SELENOI: variants seen among roughly 807,000 people sequenced by gnomAD.
SELENOI encodes the protein selenoprotein I.
SELENOI carries 24 observed loss-of-function variants against 50.7 expected under a neutral mutation model. The ratio of observed to expected loss-of-function variants is 0.47; its 90% CI spans 0.34 to 0.67. The LOEUF is 0.67. Among genes scored for constraint, SELENOI ranks in the 30% least tolerant of loss-of-function variants. The pLI, the probability that SELENOI is intolerant of heterozygous loss-of-function variation, is 0.01. For synonymous variants in SELENOI, 155 were observed against 170.2 expected (o/e 0.91, Z 0.70); for missense variants, 352 against 461.4 (o/e 0.76, Z 2.17).
rs554934552 is a variant in SELENOI at position 26,368,728 on chromosome 2, A to G, written c.310+1508A>G. On this transcript the variant is annotated intron_variant, in intron 4 of 9. Coordinates refer to ENST00000260585, the MANE Select transcript of SELENOI (RefSeq NM_033505.4). ...GGAGATGGAATGGGTGTAGTGAGAA[A>G]ATGTATAAAACCTAATTAATACATA... Among the ~76,000 whole-genome samples the G allele has an allele frequency of 3.9e-5, 6 of 152,324 alleles. No individual in the cohort carries two copies. The East Asian group carries it at 1.2e-3, about 29-fold the overall frequency.
rs370017257 is a variant in SELENOI at position 26,373,437 on chromosome 2, C to T, written c.381C>T (p.Gly127=). Residue 127 remains glycine (G), a synonymous_variant, in exon 5 of 10, where the codon GGC becomes GGT. Transcript: ENST00000260585. The part of the protein sequence containing the change: ...STPLGELFDH[G]LDSWSCVYFV... ...CCTTAGGGGAGCTTTTTGATCATGGCCTGGATAGTTGGTCATGTGTTTACT... is the reference window on the plus strand; with the variant it reads ...CCTTAGGGGAGCTTTTTGATCATGGTCTGGATAGTTGGTCATGTGTTTACT... 23 of 1,613,436 alleles carry T rather than the reference C, an allele frequency of 1.4e-5. No homozygotes were observed. In the African/African-American group the frequency reaches 2.5e-4, roughly 18 times the overall value.
In SELENOI at chr2:26,384,982, A is replaced by C. The variant is rs1407829428; in HGVS notation, c.755A>C (p.Lys252Thr). 2 of 1,605,074 alleles carry C rather than the reference A, an allele frequency of 1.2e-6. No individual in the cohort carries two copies. The highest frequency in any genetic ancestry group is 1.7e-6 in the Non-Finnish European group (2 of 1,177,452). ...AGAAGCTATAAAAATAACACCTTGA[A>C]ACTCAATTCAGTCTATGAAGCTATG... is the stretch of plus-strand genomic sequence containing the variant. ...FFRSYKNNTL[K>T]LNSVYEAMVP... is the part of the protein sequence containing the mutation. Residue 252 changes from lysine (K) to threonine (T), a missense_variant, in exon 8 of 10, where the codon AAA becomes ACA. Physicochemically the swap from Lys to Thr is moderately conservative, Grantham distance 78 (BLOSUM62 -1). Transcript: ENST00000260585.
In SELENOI at chr2:26,394,587, A is replaced by G. The variant is rs1678045827; in HGVS notation, c.*5484A>G. The G allele has an allele frequency of 6.6e-6, 1 of 151,918 alleles. No individual in the cohort carries two copies. Among genetic ancestry groups the G allele is most frequent in the Admixed American group, 6.6e-5 (1 of 15,258 alleles). The allele number at this position is 151,918 out of a possible 1,614,324, so 9.4% of individuals were successfully genotyped here. ...AGACCTAGCTACATGTAATGATATG[A>G]TCATTTCAAAAATGTGCCAAGAAAG... On this transcript the variant is annotated 3_prime_UTR_variant, in exon 10 of 10. Coordinates refer to ENST00000260585, the MANE Select transcript of SELENOI (RefSeq NM_033505.4). This position sits in a 1 kb window ranked among gnomAD's most constrained non-coding sequence, Gnocchi z 4.1.
chr2:26,358,141 G>A (rs1025668658), intron 1 of SELENOI, among the ~76,000 whole-genome samples: 4 of 152,084 alleles, frequency 2.6e-5, no homozygotes, highest in Admixed American at 6.6e-5. Flanking sequence ...AGTGGCTCAC[G>A]CCTGCAATCC....
Position 26,391,075 on chromosome 2 carries a change from ATT to A in SELENOI, c.*1975_*1976del, listed in dbSNP as rs36014427. 0.98 allele frequency: 149,655 copies of A among 152,310 alleles called. 73,561 individuals carry two copies. Among genetic ancestry groups the A allele is most frequent in the East Asian group, 1 (5,190 of 5,190 alleles). 9.4% of individuals were successfully genotyped at this position (152,310 alleles called of 1,614,324 possible). On this transcript the variant is annotated 3_prime_UTR_variant, in exon 10 of 10. Coordinates refer to ENST00000260585, the MANE Select transcript of SELENOI (RefSeq NM_033505.4). ...AGTAAAAATACCCTTTACTTCTGAC[ATT>A]TTAAGGTCACGTCCTATAGTTTGGG...
rs1677940169 is a variant in SELENOI at position 26,390,484 on chromosome 2, A to C, written c.*1381A>C. 1.3e-5 allele frequency: 2 copies of C among 152,626 alleles called. No homozygotes were observed. Among genetic ancestry groups the C allele is most frequent in the African/African-American group, 4.8e-5 (2 of 41,446 alleles). 9.5% of individuals were successfully genotyped at this position (152,626 alleles called of 1,614,324 possible). A position where few individuals can be genotyped will look rare whatever the true frequency, so the allele number is the denominator to read the frequency against. ...TAATTAAATTCATAACTATTTATGA[A>C]TGTGACCATTGTTAAATTTAATTAT... On this transcript the variant is annotated 3_prime_UTR_variant, in exon 10 of 10. Transcript: ENST00000260585.
In SELENOI at chr2:26,389,288, A is replaced by AT. The variant is rs992475053; in HGVS notation, c.*191dup. ...GACCTACTAACTCTAAGCCTATTTT[A>AT]TTTTTTATAAAACTATGTGACATTT... On this transcript the variant is annotated 3_prime_UTR_variant, in exon 10 of 10. Transcript: ENST00000260585. 3.9e-6 allele frequency: 2 copies of AT among 517,676 alleles called. No individual in the cohort carries two copies. The highest frequency in any genetic ancestry group is 1.9e-5 in the African/African-American group (1 of 52,764). 32.1% of individuals were successfully genotyped at this position (517,676 alleles called of 1,614,324 possible).
At chr2:26,377,395 T>G (rs531687264) in intron 6 of SELENOI, among the ~76,000 whole-genome samples, 1 of 152,210 alleles carries the variant, frequency 6.6e-6, no homozygotes, top group South Asian at 2.1e-4. Context: ...TTTGAGAGGC[T>G]GAGGTGGGAG....
At chr2:26,378,929 C>G (rs1329557414) in intron 6 of SELENOI, among the ~76,000 whole-genome samples, 1 of 152,180 alleles carries the variant, frequency 6.6e-6, no homozygotes, top group Non-Finnish European at 1.5e-5. Flanking sequence ...TGATGTATTT[C>G]TATAGCTGCC....
intron 6 of SELENOI, among the ~76,000 whole-genome samples, chr2:26,376,460 CAT>C (rs776917334): frequency 1.3e-5 from 2 of 152,140 alleles, no homozygotes; most frequent in East Asian, 1.9e-4. Flanking sequence ...GTATATGAGA[CAT>C]ATTTTTTAAT....
Position 26,371,844 on chromosome 2 carries a change from GACCATGGGGAGAGGGAA to G in SELENOI, c.311-1506_311-1490del, listed in dbSNP as rs1228638272. Among the ~76,000 whole-genome samples the G allele has an allele frequency of 7.2e-5, 11 of 152,210 alleles. No homozygotes were observed. In the East Asian group the frequency reaches 7.7e-4, roughly 11 times the overall value. On this transcript the variant is annotated intron_variant, in intron 4 of 9. Transcript: ENST00000260585. ...CAGCTTCGGCTCGGCATGAGAGGGA[GACCATGGGGAGAGGGAA>G]ACCATGGGGAGAGGGAGACCATGGG...
intron 1 of SELENOI, among the ~76,000 whole-genome samples, chr2:26,363,624 G>A (rs574381860): frequency 1.2e-4 from 19 of 152,246 alleles, no homozygotes; most frequent in African/African-American, 4.6e-4. Flanking sequence ...TTAACTCTGC[G>A]ATTTGGGTTG....
chr2:26,366,153 A>C (rs1017336686), intron 3 of SELENOI, among the ~76,000 whole-genome samples: 1 of 152,164 alleles, frequency 6.6e-6, no homozygotes, highest in East Asian at 1.9e-4. Context: ...CATATGCTGA[A>C]CTTTACTGAA....
Position 26,357,573 on chromosome 2 carries a change from C to T in SELENOI, c.58-6729C>T, listed in dbSNP as rs79075091. ...CCTCCAAAAGCTCTAGGCGAGAATC[C>T]TTCCTTGCCTCTATTTCAGCTTCCA... On this transcript the variant is annotated intron_variant, in intron 1 of 9. Transcript: ENST00000260585. 8.9e-3 allele frequency among the ~76,000 whole-genome samples: 1,357 copies of T among 152,302 alleles called. 12 individuals carry two copies. The highest frequency in any genetic ancestry group is 0.031 in the Middle Eastern group (9 of 294).
At chr2:26,367,692 T>C (rs748798917) in intron 4 of SELENOI, among the ~76,000 whole-genome samples, 12 of 152,198 alleles carry the variant, frequency 7.9e-5, no homozygotes, top group Non-Finnish European at 1.6e-4. Context: ...TCATATGTAA[T>C]AATTAAAAAA....
intron 6 of SELENOI, among the ~76,000 whole-genome samples, chr2:26,380,522 A>G (rs1677666912): frequency 6.6e-6 from 1 of 152,198 alleles, no homozygotes; most frequent in Non-Finnish European, 1.5e-5. Context: ...GTGTCCAACC[A>G]TCCCCCTATC....
chr2:26,387,625 G>C (rs1164606042), intron 9 of SELENOI, among the ~76,000 whole-genome samples: 1 of 151,430 alleles, frequency 6.6e-6, no homozygotes, highest in Non-Finnish European at 1.5e-5. Flanking sequence ...GAGCCCAGGA[G>C]GTCGGGGCTA....
intron 3 of SELENOI, among the ~76,000 whole-genome samples, chr2:26,365,501 GC>G (rs1402736062): frequency 6.6e-6 from 1 of 152,136 alleles, no homozygotes; most frequent in Non-Finnish European, 1.5e-5. Context: ...CCCAGCTTCT[GC>G]CCCAGGCCAA....
At chr2:26,349,762 A>G (rs1047656791) in intron 1 of SELENOI, among the ~76,000 whole-genome samples, 2 of 138,006 alleles carry the variant, frequency 1.4e-5, no homozygotes, top group African/African-American at 5.4e-5. Flanking sequence ...AAATTGTATC[A>G]TTTTGCCTAA....
Sources: allele counts gnomAD v4.1 joint callset (sites outside exome capture counted in the v4.1 genomes callset), GRCh38; gene constraint gnomAD v4.1.1; non-coding constraint Gnocchi (gnomAD v3.1); transcripts MANE v1.5; gene names NCBI Gene and HGNC (gene_info 2026-07-23, HGNC 2026-07-21).